The following RASA2 variants were observed in gnomAD, a reference collection of about 807,000 sequenced individuals.
RASA2 encodes the protein ras GTPase-activating protein 2.
Under a neutral mutation model 118.2 loss-of-function variants are expected in RASA2, and 155 were observed. The ratio of observed to expected loss-of-function variants is 1.31; its 90% CI spans 1.15 to 1.50. RASA2 has a LOEUF of 1.50. Among genes scored for constraint, RASA2 ranks in the 40% most tolerant of loss-of-function variants. The probability of loss-of-function intolerance (pLI) is 0.00; values close to 1 mark genes in which losing one functional copy is unlikely to be tolerated. For missense variants in RASA2, 1,016 were observed against 1,009.6 expected (o/e 1.01, Z -0.09); for synonymous variants, 353 against 349.1 (o/e 1.01, Z -0.12).
intron 23 of RASA2, among the ~76,000 whole-genome samples, chr3:141,610,385 A>G (rs867192665): frequency 3.1e-5 from 3 of 96,234 alleles, no homozygotes; most frequent in Admixed American, 1.3e-4. Context: ...TTTATATATT[A>G]TATATTTATA....
At chr3:141,568,503 CAAAGTT>C (rs554849519) in intron 9 of RASA2, among the ~76,000 whole-genome samples, 111 of 151,662 alleles carry the variant, frequency 7.3e-4, no homozygotes, top group African/African-American at 2.6e-3. Flanking sequence ...AAGAGAAAAA[CAAAGTT>C]AAAAGAGAAA....
At chr3:141,570,605 A>T (rs2082902626) in intron 9 of RASA2, among the ~76,000 whole-genome samples, 1 of 152,174 alleles carries the variant, frequency 6.6e-6, no homozygotes, top group Admixed American at 6.5e-5. Flanking sequence ...TTAAATGTTT[A>T]CCTTTTATTA....
At chr3:141,561,054 G>A (rs1008998750) in intron 9 of RASA2, among the ~76,000 whole-genome samples, 1 of 152,044 alleles carries the variant, frequency 6.6e-6, no homozygotes, top group African/African-American at 2.4e-5. Flanking sequence ...GGCATTTTGT[G>A]TATTATAGTT....
intron 1 of RASA2, among the ~76,000 whole-genome samples, chr3:141,506,625 A>G (rs779145194): frequency 4.6e-5 from 7 of 152,082 alleles, no homozygotes; most frequent in Non-Finnish European, 7.4e-5. Flanking sequence ...TGGATTTGGC[A>G]CTCCCAGCCA....
At chr3:141,493,885 T>C (rs1216490075) in intron 1 of RASA2, among the ~76,000 whole-genome samples, 1 of 152,242 alleles carries the variant, frequency 6.6e-6, no homozygotes, top group East Asian at 1.9e-4. Flanking sequence ...TGTGCACTAA[T>C]ATATTCCTTC....
In RASA2 at chr3:141,586,684, GA is replaced by G. The variant is rs760514579; in HGVS notation, c.1871del (p.Lys624ArgfsTer10). On this transcript the variant is annotated frameshift_variant, in exon 19 of 24. Transcript: ENST00000286364. LOFTEE classifies it high-confidence loss of function. ...AGAGCTCAAGGAAGAACTCGGATTG[GA>G]AAAAAGAATTTTAAGAAACGATGGT... ...YKRAQGRTRI[G>X]KKNFKKRWFC... is the part of the protein sequence containing the mutation. The G allele has an allele frequency of 1.9e-6, 3 of 1,613,424 alleles. No homozygotes were observed. The highest frequency in any genetic ancestry group is 2.2e-5 in the East Asian group (1 of 44,832).
chr3:141,536,145 T>C (rs886688887), intron 4 of RASA2, among the ~76,000 whole-genome samples: 2 of 152,020 alleles, frequency 1.3e-5, no homozygotes, highest in Non-Finnish European at 2.9e-5. Flanking sequence ...TATCCAAGAC[T>C]GGAAAGAAAA....
intron 21 of RASA2, 136 bp downstream of exon 21, chr3:141,608,833 T>C: frequency 1.0e-6 from 1 of 959,328 alleles, no homozygotes; most frequent in South Asian, 1.7e-5. Context: ...AAAATTATGC[T>C]AAGTGAAAGA....
chr3:141,583,194 C>T (rs1367755098), intron 17 of RASA2, among the ~76,000 whole-genome samples: 3 of 152,080 alleles, frequency 2.0e-5, no homozygotes, highest in East Asian at 3.9e-4. Context: ...GAGGCCGAAG[C>T]GGGCAGATCA....
intron 10 of RASA2, 81 bp downstream of exon 10, chr3:141,571,149 A>G: frequency 7.1e-7 from 1 of 1,409,296 alleles, no homozygotes; most frequent in South Asian, 1.4e-5. Flanking sequence ...AGATTTCAAG[A>G]GTATCAAGTC....
At chr3:141,563,278 A>G (rs1395654922) in intron 9 of RASA2, among the ~76,000 whole-genome samples, 2 of 152,154 alleles carry the variant, frequency 1.3e-5, no homozygotes, top group East Asian at 3.9e-4. Flanking sequence ...TCATTCAAAA[A>G]CTGACATATA....
chr3:141,595,310 C>T (rs1478773773), intron 19 of RASA2, among the ~76,000 whole-genome samples: 1 of 152,138 alleles, frequency 6.6e-6, no homozygotes, highest in Non-Finnish European at 1.5e-5. Context: ...AAGAGACTAT[C>T]AGACTATATT....
At chr3:141,487,951 A>C (rs977716051) in intron 1 of RASA2, among the ~76,000 whole-genome samples, 7 of 152,138 alleles carry the variant, frequency 4.6e-5, no homozygotes, top group African/African-American at 1.4e-4. Context: ...GCTTCCTGTG[A>C]GCAGGTCTCA....
In RASA2 at chr3:141,572,650, G is replaced by T; in HGVS notation, c.1211G>T (p.Arg404Leu). 1.2e-6 allele frequency: 2 copies of T among 1,613,490 alleles called. No homozygotes were observed. Among genetic ancestry groups the T allele is most frequent in the Non-Finnish European group, 1.7e-6 (2 of 1,179,680 alleles). Reference protein sequence around the residue: ...TIFRGNSLATRCLDEMMKIVG... With the variant: ...TIFRGNSLATLCLDEMMKIVG... ...TTTAGAGGAAATTCCCTGGCTACCC[G>T]ATGTCTGGATGAGATGATGAAAATA... The change falls in exon 12 of 24, where the codon CGA becomes CTA. Residue 404 changes from arginine to leucine, a missense_variant. Arg to Leu is a moderately radical substitution (Grantham distance 102, BLOSUM62 -2). Transcript: ENST00000286364.
chr3:141,608,626 G>GT lies in RASA2; in HGVS notation c.2155dup (p.Tyr719LeufsTer14). ...GGCTCAGTTTTTATCATCCCTCTGTGTATCTGAACGGAAATTGGCTCTGCT... is the reference window on the plus strand; with the variant it reads ...GGCTCAGTTTTTATCATCCCTCTGTGTTATCTGAACGGAAATTGGCTCTGCT... On this transcript the variant is annotated frameshift_variant, in exon 21 of 24. Transcript: ENST00000286364. LOFTEE classifies it high-confidence loss of function. 6.2e-7 allele frequency: 1 copy of GT among 1,614,008 alleles called. No homozygotes were observed.
In RASA2 at chr3:141,523,004, T is replaced by A. The variant is rs118105386; in HGVS notation, c.355+6573T>A. 1.4e-3 allele frequency among the ~76,000 whole-genome samples: 219 copies of A among 152,166 alleles called. 7 individuals are homozygous for A. In the East Asian group the frequency reaches 0.024, roughly 17 times the overall value. Reference sequence around the variant, plus strand: ...GTTGGCGGAACACTGGCACTTACTCTGCTCTAATGGAACCTAGGAGAGTCA... The same window carrying A: ...GTTGGCGGAACACTGGCACTTACTCAGCTCTAATGGAACCTAGGAGAGTCA... On this transcript the variant is annotated intron_variant, in intron 3 of 23. Coordinates refer to ENST00000286364, the MANE Select transcript of RASA2 (RefSeq NM_006506.5).
In RASA2 at chr3:141,487,070, G is replaced by A. The variant is rs1397582070; in HGVS notation, c.-14G>A. 1.0e-5 allele frequency: 13 copies of A among 1,300,688 alleles called. No individual in the cohort carries two copies. Among genetic ancestry groups the A allele is most frequent in the South Asian group, 5.7e-5 (3 of 52,634 alleles). The allele number at this position is 1,300,688 out of a possible 1,614,324, so 80.6% of individuals were successfully genotyped here. A position where few individuals can be genotyped will look rare whatever the true frequency, so the allele number is the denominator to read the frequency against. ...ACGCAGGCGGCAGGGCTGCGGCACG[G>A]GCCGGGCGGCACCATGGCGGCGGCG... On this transcript the variant is annotated 5_prime_UTR_variant, in exon 1 of 24. Coordinates refer to ENST00000286364, the MANE Select transcript of RASA2 (RefSeq NM_006506.5).
intron 3 of RASA2, among the ~76,000 whole-genome samples, chr3:141,516,939 A>T (rs2082036657): frequency 6.6e-6 from 1 of 151,788 alleles, no homozygotes. Context: ...ACGCCTAGCC[A>T]ATTTTTGTAT....
chr3:141,571,288 A>T, intron 10 of RASA2, 118 bp from the exon 11 acceptor site: 1 of 1,422,346 alleles, frequency 7.0e-7, no homozygotes, highest in Middle Eastern at 1.8e-4. Flanking sequence ...TTCGAAAATT[A>T]AATGTCCTGT....
Sources: gnomAD v4.1 joint callset for allele counts (sites outside exome capture counted in the v4.1 genomes callset) on GRCh38, gnomAD v4.1.1 for gene constraint, MANE v1.5 for transcripts, NCBI Gene and HGNC (gene_info 2026-07-23, HGNC 2026-07-21) for gene names.